The following CARS1 variants were observed in gnomAD, a reference collection of about 807,000 sequenced individuals.
CARS1 encodes the protein cysteine--tRNA ligase, cytoplasmic.
CARS1 carries 48 observed loss-of-function variants against 106.2 expected under a neutral mutation model. That is an observed-to-expected ratio of 0.45 (90% CI 0.36 to 0.57). The LOEUF is 0.57. Ranked by LOEUF, CARS1 falls within the 20% of genes least tolerant of loss-of-function variation. The pLI is 0.00. For missense variants in CARS1, 968 were observed against 1,057.2 expected (o/e 0.92, Z 1.17); for synonymous variants, 409 against 403.4 (o/e 1.01, Z -0.17).
Position 3,029,075 on chromosome 11 carries a change from G to A in CARS1, c.952C>T (p.Pro318Ser), listed in dbSNP as rs1375909073. ...TCACTAACCCGGGTTAAGACATCTG[G>A]AGGGAGAACCTGTGCAAGACATGAG... ...RDMEALNVLP[P>S]DVLTRVSEYV... Residue 318 changes from proline (P) to serine (S), a missense_variant, in exon 9 of 23, where the codon CCA (proline) becomes TCA (serine). Pro to Ser is a moderately conservative substitution (Grantham distance 74). Transcript: ENST00000380525. This position sits in a 1 kb window ranked among gnomAD's most constrained non-coding sequence, Gnocchi z 5.9. 8 of 1,611,984 alleles carry A rather than the reference G, an allele frequency of 5.0e-6. No homozygotes were observed. Among genetic ancestry groups the A allele is most frequent in the Non-Finnish European group, 6.8e-6 (8 of 1,178,062 alleles).
At position 3,037,950 on chromosome 11, in the gene CARS1, C is replaced by T; in HGVS notation, c.801+100G>A. 1.6e-6 allele frequency: 2 copies of T among 1,250,432 alleles called. No homozygotes were observed. The highest frequency in any genetic ancestry group is 1.5e-5 in the African/African-American group (1 of 67,156). The allele number at this position is 1,250,432 out of a possible 1,614,324, so 77.5% of individuals were successfully genotyped here. A position where few individuals can be genotyped will look rare whatever the true frequency, so the allele number is the denominator to read the frequency against. On this transcript the variant is annotated intron_variant, in intron 7 of 22. Transcript: ENST00000380525. This position sits in a 1 kb window ranked among gnomAD's most constrained non-coding sequence, Gnocchi z 5.9. ...TACTGGAGACACAGAGTGTCTTCCACTAAGACAATCTGTGGAATCAATCCG... is the reference window on the plus strand; with the variant it reads ...TACTGGAGACACAGAGTGTCTTCCATTAAGACAATCTGTGGAATCAATCCG...
Position 3,040,318 on chromosome 11 carries a change from G to C in CARS1, c.456-387C>G. 3.1e-6 allele frequency: 1 copy of C among 317,948 alleles called. No homozygotes were observed. The highest frequency in any genetic ancestry group is 6.1e-6 in the Non-Finnish European group (1 of 165,044). The allele number at this position is 317,948 out of a possible 1,614,324, so 19.7% of individuals were successfully genotyped here. A position where few individuals can be genotyped will look rare whatever the true frequency, so the allele number is the denominator to read the frequency against. The stretch of plus-strand genomic sequence containing the variant: ...TGGTGAAGTTTTTGGGGAATCAAAA[G>C]TTATGTGTGGATTTTCAACTGTGCA... On this transcript the variant is annotated intron_variant, in intron 4 of 22. Transcript: ENST00000380525. The surrounding 1 kb of genome is among the most constrained non-coding windows in gnomAD (Gnocchi z 5.8).
rs1043434210 is a variant in CARS1 at position 3,045,012 on chromosome 11, C to T, written c.274+2741G>A. ...ACCTTCATGTTCCTGAAACTATGGC[C>T]TCGGCGTCTGACAGACCCACACCCT... On this transcript the variant is annotated intron_variant, in intron 2 of 22. Coordinates refer to ENST00000380525, the MANE Select transcript of CARS1 (RefSeq NM_001014437.3). This position sits in a 1 kb window ranked among gnomAD's most constrained non-coding sequence, Gnocchi z 5.6. 6.6e-6 allele frequency among the ~76,000 whole-genome samples: 1 copy of T among 152,238 alleles called. No homozygotes were observed. Among genetic ancestry groups the T allele is most frequent in the East Asian group, 1.9e-4 (1 of 5,182 alleles).
rs746431414 is a variant in CARS1, at chr11:3,015,832, T to C, written c.1935A>G (p.Glu645=). The change falls in exon 17 of 23, where the codon GAA becomes GAG. Residue 645 remains glutamate (E), a synonymous_variant. Transcript: ENST00000380525. ...CCGGGAATCCCAGGGAGCTGTCCTC[T>C]TCTACGGCCCCAAAGATCTAGGAAA... is the stretch of plus-strand genomic sequence containing the variant. The part of the protein sequence containing the change: ...THMLKIFGAV[E]EDSSLGFPVG... 1 of 1,614,158 alleles carries C rather than the reference T, an allele frequency of 6.2e-7. No individual in the cohort carries two copies.
intron 7 of CARS1, among the ~76,000 whole-genome samples, chr11:3,033,881 T>C (rs1853220515): frequency 6.6e-6 from 1 of 152,212 alleles, no homozygotes; most frequent in Admixed American, 6.5e-5. Context: ...ACCCATCAGA[T>C]ACCTGTGAGA....
chr11:3,023,452 C>T (rs556430193), intron 10 of CARS1, among the ~76,000 whole-genome samples: 16 of 152,280 alleles, frequency 1.1e-4, no homozygotes, highest in African/African-American at 2.9e-4. Flanking sequence ...TGGAGTGCAA[C>T]GGTGTAATCA....
rs889124964 is a variant in CARS1 at position 3,050,468 on chromosome 11, A to C, written c.26-2467T>G. ...GGATCCGGGGCCTCTAACTCAAAAG[A>C]AGCTTTGGACTTGAGAGCCAGCCCT... On this transcript the variant is annotated intron_variant, in intron 1 of 22. Coordinates refer to ENST00000380525, the MANE Select transcript of CARS1 (RefSeq NM_001014437.3). The surrounding 1 kb of genome is among the most constrained non-coding windows in gnomAD (Gnocchi z 6.3). Among the ~76,000 whole-genome samples the C allele has an allele frequency of 1.3e-5, 2 of 152,178 alleles. No individual in the cohort carries two copies. The highest frequency in any genetic ancestry group is 4.8e-5 in the African/African-American group (2 of 41,434).
rs190678236 is a variant in CARS1 at position 3,021,864 on chromosome 11, C to T, written c.1154-1532G>A. Among the ~76,000 whole-genome samples, 1 of 152,324 alleles carries T rather than the reference C, an allele frequency of 6.6e-6. No individual in the cohort carries two copies. The highest frequency in any genetic ancestry group is 6.5e-5 in the Admixed American group (1 of 15,298). ...ACAATGTGATATGGCCCATGACATTCGCTTTTAGATGCTCTTTGATAGAAA... is the reference window on the plus strand; with the variant it reads ...ACAATGTGATATGGCCCATGACATTTGCTTTTAGATGCTCTTTGATAGAAA... On this transcript the variant is annotated intron_variant, in intron 10 of 22. Transcript: ENST00000380525. The surrounding 1 kb of genome is among the most constrained non-coding windows in gnomAD (Gnocchi z 5.3).
intron 7 of CARS1, among the ~76,000 whole-genome samples, chr11:3,033,184 T>C (rs1853101803): frequency 6.6e-6 from 1 of 152,154 alleles, no homozygotes; most frequent in Admixed American, 6.5e-5. Flanking sequence ...CAGGAAGAAT[T>C]AGCAAAGACA....
chr11:3,055,056 A>G (rs941494124), intron 1 of CARS1: 9 of 672,130 alleles, frequency 1.3e-5, no homozygotes, highest in Admixed American at 7.3e-5. Flanking sequence ...ACCCAGTGAG[A>G]TCAGGAAAGA....
chr11:3,037,781 T>C lies in CARS1; in HGVS notation c.801+269A>G, dbSNP rs1490411217. ...GTTCCAAGTGCACCTCCTGCCTATCTGATGGAAGTGGTGGGAGGGTGTGGA... is the reference window on the plus strand; with the variant it reads ...GTTCCAAGTGCACCTCCTGCCTATCCGATGGAAGTGGTGGGAGGGTGTGGA... On this transcript the variant is annotated intron_variant, in intron 7 of 22. Coordinates refer to ENST00000380525, the MANE Select transcript of CARS1 (RefSeq NM_001014437.3). The surrounding 1 kb of genome is among the most constrained non-coding windows in gnomAD (Gnocchi z 5.9). Among the ~76,000 whole-genome samples the C allele has an allele frequency of 6.6e-6, 1 of 152,070 alleles. No homozygotes were observed. The highest frequency in any genetic ancestry group is 1.5e-5 in the Non-Finnish European group (1 of 68,000).
In CARS1 at chr11:3,001,093, A is replaced by G; in HGVS notation, c.*21T>C. 2.5e-6 allele frequency: 4 copies of G among 1,613,422 alleles called. No homozygotes were observed. Among genetic ancestry groups the G allele is most frequent in the Non-Finnish European group, 3.4e-6 (4 of 1,179,750 alleles). On this transcript the variant is annotated 3_prime_UTR_variant, in exon 23 of 23. Transcript: ENST00000380525. ...GCAGCCACTAGTCCACAATGGTTTA[A>G]AAAGTCAGTCCTGTGCCCCCTCACT... is the stretch of plus-strand genomic sequence containing the variant.
At position 3,048,031 on chromosome 11, in the gene CARS1, G is replaced by A. The variant is rs1481139937; in HGVS notation, c.26-30C>T. On this transcript the variant is annotated intron_variant, in intron 1 of 22. Transcript: ENST00000380525. The surrounding 1 kb of genome is among the most constrained non-coding windows in gnomAD (Gnocchi z 5.1). Reference sequence around the variant, plus strand: ...AAAGACAGAGGGCACATGGTGTCAGGCAGGCAGGCGGGCAGCCCAGAGGCC... The same window carrying A: ...AAAGACAGAGGGCACATGGTGTCAGACAGGCAGGCGGGCAGCCCAGAGGCC... 1.9e-6 allele frequency: 3 copies of A among 1,602,280 alleles called. No individual in the cohort carries two copies. Among genetic ancestry groups the A allele is most frequent in the Non-Finnish European group, 2.6e-6 (3 of 1,171,628 alleles).
In CARS1 at chr11:3,026,768, T is replaced by C. The variant is rs1472217094; in HGVS notation, c.1061A>G (p.Asp354Gly). Residue 354 changes from aspartate (D) to glycine (G), a missense_variant, in exon 10 of 23, where the codon GAT becomes GGT. Physicochemically the swap from Asp to Gly is moderately conservative, Grantham distance 94. Coordinates refer to ENST00000380525, the MANE Select transcript of CARS1 (RefSeq NM_001014437.3). The stretch of plus-strand genomic sequence containing the variant: ...CTCGCTAGAAGCAAACTTCGCTGTA[T>C]CAAAGTAGACAGACCCATTGGAGAC... ...GYVSNGSVYF[D>G]TAKFASSEKH... 5 of 1,613,762 alleles carry C rather than the reference T, an allele frequency of 3.1e-6. No homozygotes were observed. The highest frequency in any genetic ancestry group is 4.2e-6 in the Non-Finnish European group (5 of 1,179,882).
intron 18 of CARS1, 59 bp downstream of exon 18, chr11:3,012,136 G>T: frequency 6.8e-7 from 1 of 1,473,388 alleles, no homozygotes; most frequent in Non-Finnish European, 9.5e-7. Context: ...GAGACGCCCG[G>T]TCCGGGGAGC....
intron 18 of CARS1, chr11:3,007,255 G>A (rs567596709): frequency 1.8e-5 from 8 of 448,324 alleles, no homozygotes; most frequent in East Asian, 7.8e-5. Context: ...ACTGGCCGCC[G>A]GAAGCAGTTC....
chr11:3,023,323 A>G (rs555022697), intron 10 of CARS1, among the ~76,000 whole-genome samples: 2 of 152,208 alleles, frequency 1.3e-5, no homozygotes, highest in Non-Finnish European at 2.9e-5. Flanking sequence ...TCCTCTAAGG[A>G]CTTTAAGAAA....
In CARS1 at chr11:3,043,584, G is replaced by A. The variant is rs1238677028; in HGVS notation, c.275-1328C>T. On this transcript the variant is annotated intron_variant, in intron 2 of 22. Transcript: ENST00000380525. The surrounding 1 kb of genome is among the most constrained non-coding windows in gnomAD (Gnocchi z 4.0). Reference sequence around the variant, plus strand: ...TGACCTGTGCCCACCCCAGCAGGCCGCCTGGCAGCTCACCAGGGTGCTCGC... The same window carrying A: ...TGACCTGTGCCCACCCCAGCAGGCCACCTGGCAGCTCACCAGGGTGCTCGC... Among the ~76,000 whole-genome samples, 3 of 151,388 alleles carry A rather than the reference G, an allele frequency of 2.0e-5. No individual in the cohort carries two copies. Among genetic ancestry groups the A allele is most frequent in the Admixed American group, 6.6e-5 (1 of 15,128 alleles).
At chr11:3,012,015 G>A (rs1313527567) in intron 18 of CARS1, among the ~76,000 whole-genome samples, 180 bp downstream of exon 18, 2 of 152,260 alleles carry the variant, frequency 1.3e-5, no homozygotes, top group African/African-American at 4.8e-5. Context: ...TGGAGCGTGT[G>A]GTACTAATGC....
Sources: gnomAD v4.1 joint callset for allele counts (sites outside exome capture counted in the v4.1 genomes callset) on GRCh38, gnomAD v4.1.1 for gene constraint, Gnocchi (gnomAD v3.1) non-coding constraint, MANE v1.5 for transcripts, NCBI Gene and HGNC (gene_info 2026-07-23, HGNC 2026-07-21) for gene names.